RALGPS2: variants seen among roughly 807,000 people sequenced by gnomAD.
The protein encoded by RALGPS2 is ras-specific guanine nucleotide-releasing factor RalGPS2.
Under a neutral mutation model 86.8 loss-of-function variants are expected in RALGPS2, and 43 were observed. That is an observed-to-expected ratio of 0.50 (90% confidence interval 0.39 to 0.64). The LOEUF (loss-of-function observed/expected upper bound fraction) is 0.64, where lower values mean the gene tolerates loss of function less well. Among genes scored for constraint, RALGPS2 ranks in the 30% least tolerant of loss-of-function variants. RALGPS2 has a pLI of 0.00. For synonymous variants in RALGPS2, 243 were observed against 231.3 expected, an observed-to-expected ratio of 1.05 and a Z score of -0.46; for missense variants, 536 against 694.6, an observed-to-expected ratio of 0.77 and a Z score of 2.57.
chr1:178,808,269 C>T lies in RALGPS2; in HGVS notation c.297+141C>T, dbSNP rs534652564. 14 of 636,006 alleles carry T rather than the reference C, an allele frequency of 2.2e-5. No individual in the cohort carries two copies. The East Asian group carries it at 3.7e-4, about 17-fold the overall frequency. The allele number at this position is 636,006 out of a possible 1,614,324, so 39.4% of individuals were successfully genotyped here. A position where few individuals can be genotyped will look rare whatever the true frequency, so the allele number is the denominator to read the frequency against. The stretch of plus-strand genomic sequence containing the variant: ...CTCAAGTATTGTCTCTGTGCATGAT[C>T]TCTTTTTTTCTCTGTAACTCCTATT... On this transcript the variant is annotated intron_variant, in intron 5 of 19. Transcript: ENST00000367635.
At chr1:178,891,087 C>G (rs1156589427) in intron 14 of RALGPS2, among the ~76,000 whole-genome samples, 44 of 152,004 alleles carry the variant, frequency 2.9e-4, no homozygotes, top group Admixed American at 2.9e-3. Context: ...GTTAAATAAT[C>G]TGTTCTCATC....
chr1:178,915,066 C>T (rs1026082493), intron 19 of RALGPS2, among the ~76,000 whole-genome samples: 7 of 151,988 alleles, frequency 4.6e-5, no homozygotes, highest in African/African-American at 1.2e-4. Flanking sequence ...GTCAACCAGA[C>T]GTGTATAAAT....
At chr1:178,755,865 T>C (rs1651934560) in intron 1 of RALGPS2, among the ~76,000 whole-genome samples, 2 of 152,238 alleles carry the variant, frequency 1.3e-5, no homozygotes, top group Admixed American at 1.3e-4. Context: ...TCTTGACTTT[T>C]TAATAATACC....
intron 8 of RALGPS2, chr1:178,865,292 G>A: frequency 1.2e-6 from 2 of 1,614,050 alleles, no homozygotes; most frequent in Non-Finnish European, 1.7e-6. Context: ...CATTTCTGTG[G>A]TGACATTGAG....
chr1:178,765,301 G>A (rs1652444600), intron 1 of RALGPS2, among the ~76,000 whole-genome samples: 3 of 152,056 alleles, frequency 2.0e-5, no homozygotes, highest in South Asian at 4.1e-4. Flanking sequence ...GAGAAATAAA[G>A]GGAAAGAGTA....
chr1:178,850,527 G>A (rs1249123593), intron 8 of RALGPS2: 1 of 151,682 alleles, frequency 6.6e-6, no homozygotes, highest in Non-Finnish European at 1.5e-5. Flanking sequence ...TTTTAAAAAT[G>A]ATATGTATTT....
intron 4 of RALGPS2, among the ~76,000 whole-genome samples, chr1:178,805,989 T>A (rs1348496802): frequency 1.3e-5 from 2 of 152,086 alleles, no homozygotes; most frequent in Non-Finnish European, 2.9e-5. Flanking sequence ...GGAATTTCTG[T>A]CCTCTTGCTC....
intron 8 of RALGPS2, chr1:178,852,683 C>T (rs756202340): frequency 1.2e-6 from 2 of 1,610,014 alleles, no homozygotes; most frequent in African/African-American, 1.3e-5. Flanking sequence ...TCATACTTAC[C>T]TGCATACATA....
chr1:178,879,141 C>A, intron 10 of RALGPS2, 149 bp downstream of exon 10: 1 of 1,096,322 alleles, frequency 9.1e-7, no homozygotes, highest in Non-Finnish European at 1.2e-6. Flanking sequence ...ACATGTATTA[C>A]TTCTTAATCA....
chr1:178,843,622 G>A (rs942191986), intron 8 of RALGPS2, among the ~76,000 whole-genome samples: 1 of 149,506 alleles, frequency 6.7e-6, no homozygotes, highest in African/African-American at 2.5e-5. Context: ...CCTGCACATT[G>A]TGTACATGTA....
intron 8 of RALGPS2, among the ~76,000 whole-genome samples, chr1:178,867,854 CTT>C (rs1250787519): frequency 6.6e-6 from 1 of 151,786 alleles, no homozygotes; most frequent in Admixed American, 6.6e-5. Context: ...AAATATAACT[CTT>C]ATGCTGTCGT....
chr1:178,745,584 T>C (rs143355762), intron 1 of RALGPS2, among the ~76,000 whole-genome samples: 272 of 152,214 alleles, frequency 1.8e-3, no homozygotes, highest in African/African-American at 6.3e-3. Flanking sequence ...TGCAAACAAA[T>C]GAACTTCAGT....
intron 8 of RALGPS2, among the ~76,000 whole-genome samples, chr1:178,844,742 G>C (rs1310813859): frequency 6.6e-6 from 1 of 152,164 alleles, no homozygotes; most frequent in African/African-American, 2.4e-5. Context: ...GGCATGGTAA[G>C]TTTTATTTTG....
chr1:178,890,073 G>A (rs1265505097), intron 14 of RALGPS2, among the ~76,000 whole-genome samples: 1 of 151,898 alleles, frequency 6.6e-6, no homozygotes, highest in Non-Finnish European at 1.5e-5. Flanking sequence ...ATTCTCTGCT[G>A]CTTTGTCAAG....
chr1:178,779,422 C>A (rs1653270422), intron 2 of RALGPS2, among the ~76,000 whole-genome samples: 1 of 152,088 alleles, frequency 6.6e-6, no homozygotes, highest in South Asian at 2.1e-4. Flanking sequence ...CTCAAAGTTC[C>A]TTAATAGCCC....
At chr1:178,807,872 T>C (rs1335628949) in intron 4 of RALGPS2, among the ~76,000 whole-genome samples, 173 bp from the exon 5 acceptor site, 1 of 152,232 alleles carries the variant, frequency 6.6e-6, no homozygotes, top group Non-Finnish European at 1.5e-5. Flanking sequence ...TATGTCCTGC[T>C]AATCAAATTT....
chr1:178,729,140 A>G (rs187753440), intron 1 of RALGPS2, among the ~76,000 whole-genome samples: 5 of 152,076 alleles, frequency 3.3e-5, no homozygotes, highest in Admixed American at 3.3e-4. Context: ...CTGTTATTTC[A>G]CTTACATGAC....
At chr1:178,889,798 C>G (rs1408511920) in intron 14 of RALGPS2, 102 bp downstream of exon 14, 2 of 756,334 alleles carry the variant, frequency 2.6e-6, no homozygotes, top group African/African-American at 3.7e-5. Flanking sequence ...TATCCCTAAG[C>G]GATTAAGTTT....
chr1:178,808,611 G>T (rs1178562794), intron 5 of RALGPS2, among the ~76,000 whole-genome samples: 1 of 151,966 alleles, frequency 6.6e-6, no homozygotes, highest in Non-Finnish European at 1.5e-5. Context: ...AGTGAATTTT[G>T]TATCTTTGGC....
Sources: allele counts gnomAD v4.1 joint callset (sites outside exome capture counted in the v4.1 genomes callset), GRCh38; gene constraint gnomAD v4.1.1; transcripts MANE v1.5; gene names NCBI Gene and HGNC (gene_info 2026-07-23, HGNC 2026-07-21).